METTL8: variants seen among roughly 807,000 people sequenced by gnomAD.
METTL8 encodes the protein methyltransferase 8, tRNA N3-cytidine.
A neutral mutation model predicts 48.7 loss-of-function variants in METTL8; 32 were observed. That is an observed-to-expected ratio of 0.66 (90% CI 0.50 to 0.88). The LOEUF is 0.88. METTL8 is among the 40% of genes least tolerant of loss of function. The pLI is 0.00. For missense variants in METTL8, 464 were observed against 474.4 expected (o/e 0.98, Z 0.20); for synonymous variants, 136 against 157.1 (o/e 0.87, Z 1.01).
In METTL8 at chr2:171,428,322, T is replaced by C. The variant is rs576277984; in HGVS notation, c.-13+5561A>G. On this transcript the variant is annotated intron_variant, in intron 1 of 9. Transcript: ENST00000375258. The stretch of plus-strand genomic sequence containing the variant: ...ACTTCCTACTGATTTAAGGAATAAG[T>C]GGAGACTAAATCTGCATCTAAGCTA... Among the ~76,000 whole-genome samples, 58 of 152,292 alleles carry C rather than the reference T, an allele frequency of 3.8e-4. 2 individuals are homozygous for C. Among genetic ancestry groups the C allele is most frequent in the African/African-American group, 1.3e-3 (54 of 41,554 alleles).
intron 1 of METTL8, among the ~76,000 whole-genome samples, chr2:171,397,621 A>C (rs1689240489): frequency 6.6e-6 from 1 of 151,568 alleles, no homozygotes; most frequent in African/African-American, 2.4e-5. Flanking sequence ...GCAGGGAAAA[A>C]TCAAAGTCAA....
At chr2:171,384,223 T>G (rs1168560167) in intron 2 of METTL8, among the ~76,000 whole-genome samples, 1 of 152,190 alleles carries the variant, frequency 6.6e-6, no homozygotes, top group African/African-American at 2.4e-5. Context: ...ATATCCAGAA[T>G]GGCTGGGTGC....
intron 1 of METTL8, among the ~76,000 whole-genome samples, chr2:171,397,611 G>T (rs1057161345): frequency 7.0e-6 from 1 of 143,508 alleles, no homozygotes; most frequent in Non-Finnish European, 1.5e-5. Context: ...AATGAGCAAA[G>T]CAGGGAAAAA....
intron 3 of METTL8, among the ~76,000 whole-genome samples, chr2:171,353,829 C>A (rs1269950981): frequency 6.6e-6 from 1 of 152,056 alleles, no homozygotes; most frequent in East Asian, 1.9e-4. Context: ...TTCCTCCATC[C>A]CTTTATTTTG....
chr2:171,376,072 C>G (rs1186654996), intron 2 of METTL8, among the ~76,000 whole-genome samples: 2 of 152,086 alleles, frequency 1.3e-5, no homozygotes, highest in Non-Finnish European at 2.9e-5. Context: ...GTCAAATGAT[C>G]CTTTACTGAA....
chr2:171,339,822 G>A (rs1262052112), intron 3 of METTL8, among the ~76,000 whole-genome samples: 3 of 152,168 alleles, frequency 2.0e-5, no homozygotes, highest in Non-Finnish European at 4.4e-5. Flanking sequence ...CAATTTTTGT[G>A]AGAAATATAA....
chr2:171,396,043 G>A (rs923689937), intron 1 of METTL8, among the ~76,000 whole-genome samples: 4 of 152,026 alleles, frequency 2.6e-5, no homozygotes, highest in Admixed American at 2.0e-4. Flanking sequence ...AGTCCGAGGC[G>A]GGCAGATCAC....
chr2:171,375,381 C>T (rs1233627851), intron 2 of METTL8: 1 of 623,606 alleles, frequency 1.6e-6, no homozygotes, highest in Non-Finnish European at 2.8e-6. Context: ...AACAAATAAA[C>T]TGCCAAGTTG....
At chr2:171,434,558 A>T, upstream of METTL8, 1 of 1,525,180 alleles carries the variant, frequency 6.6e-7, no homozygotes, top group South Asian at 1.2e-5. Flanking sequence ...CAGCCTACCC[A>T]GGGCCCGGCC....
At chr2:171,426,491 T>C (rs986822779) in intron 1 of METTL8, among the ~76,000 whole-genome samples, 6 of 152,346 alleles carry the variant, frequency 3.9e-5, no homozygotes, top group Admixed American at 3.3e-4. Flanking sequence ...GATAAGTATA[T>C]GGGTGTTCAT....
At chr2:171,335,179 A>T (rs920914066) in intron 5 of METTL8, among the ~76,000 whole-genome samples, 1 of 152,196 alleles carries the variant, frequency 6.6e-6, no homozygotes. Flanking sequence ...TCAGAACTGT[A>T]AATTTACCAG....
chr2:171,373,058 T>C (rs571319034), intron 2 of METTL8, among the ~76,000 whole-genome samples: 2 of 152,356 alleles, frequency 1.3e-5, no homozygotes, highest in East Asian at 1.9e-4. Flanking sequence ...GGAATCACCA[T>C]ACTGTCTTCC....
chr2:171,366,462 A>C (rs191283959), intron 2 of METTL8, among the ~76,000 whole-genome samples: 1 of 152,336 alleles, frequency 6.6e-6, no homozygotes, highest in East Asian at 1.9e-4. Flanking sequence ...TGCATAGAAG[A>C]TATTATCCAT....
At chr2:171,402,561 T>C (rs1689744720) in intron 1 of METTL8, among the ~76,000 whole-genome samples, 1 of 152,164 alleles carries the variant, frequency 6.6e-6, no homozygotes, top group Admixed American at 6.6e-5. Flanking sequence ...TTAATATACA[T>C]ACGTTATATA....
At chr2:171,363,312 C>T (rs553361905) in intron 2 of METTL8, among the ~76,000 whole-genome samples, 63 of 152,076 alleles carry the variant, frequency 4.1e-4, no homozygotes, top group African/African-American at 1.5e-3. Context: ...AGCCCTGCTG[C>T]TTTATGGCAG....
chr2:171,369,618 T>A (rs770701314), intron 2 of METTL8, among the ~76,000 whole-genome samples: 2 of 152,186 alleles, frequency 1.3e-5, no homozygotes, highest in Non-Finnish European at 2.9e-5. Context: ...ATAATCCATA[T>A]CCATAAGAAG....
At chr2:171,405,323 C>A (rs1331975785) in intron 1 of METTL8, among the ~76,000 whole-genome samples, 1 of 151,988 alleles carries the variant, frequency 6.6e-6, no homozygotes, top group African/African-American at 2.4e-5. Flanking sequence ...GCAGATGGAA[C>A]TAATGGTAAT....
At chr2:171,345,252 C>A (rs1687153360) in intron 3 of METTL8, among the ~76,000 whole-genome samples, 1 of 152,146 alleles carries the variant, frequency 6.6e-6, no homozygotes, top group South Asian at 2.1e-4. Context: ...CTTAAATATT[C>A]AGAATTCATT....
chr2:171,396,269 A>G (rs990719153), intron 1 of METTL8, among the ~76,000 whole-genome samples: 5 of 151,702 alleles, frequency 3.3e-5, no homozygotes, highest in Non-Finnish European at 7.4e-5. Flanking sequence ...CTCAATGAAT[A>G]AATAAATAAA....
Sources: allele counts gnomAD v4.1 joint callset (sites outside exome capture counted in the v4.1 genomes callset), GRCh38; gene constraint gnomAD v4.1.1; transcripts MANE v1.5; gene names NCBI Gene and HGNC (gene_info 2026-07-23, HGNC 2026-07-21).